Variants in NBAS observed in about 807,000 individuals in gnomAD.
The protein encoded by NBAS is NAG/BC035112 fusion.
A neutral mutation model predicts 302.5 loss-of-function variants in NBAS; 219 were observed. That is an observed-to-expected ratio of 0.72 (90% CI 0.65 to 0.81). The LOEUF (loss-of-function observed/expected upper bound fraction) is 0.81. Ranked by LOEUF, NBAS falls within the 30% of genes least tolerant of loss-of-function variation. The pLI is 0.00. For synonymous variants in NBAS, 1,118 were observed against 1,021.6 expected, an observed-to-expected ratio of 1.09 and a Z score of -1.80; for missense variants, 2,932 against 2,841.6, an observed-to-expected ratio of 1.03 and a Z score of -0.72.
At chr2:15,278,537 GT>G (rs1669689447) in intron 42 of NBAS, among the ~76,000 whole-genome samples, 1 of 152,140 alleles carries the variant, frequency 6.6e-6, no homozygotes, top group African/African-American at 2.4e-5. Flanking sequence ...GAACCAGAGT[GT>G]GGCACAAAGG....
intron 21 of NBAS, among the ~76,000 whole-genome samples, chr2:15,435,065 AAT>A (rs1677945786): frequency 6.6e-6 from 1 of 152,190 alleles, no homozygotes; most frequent in African/African-American, 2.4e-5. Flanking sequence ...CAAAGATAAA[AAT>A]ATATGACATT....
chr2:15,516,080 G>C (rs950358605), intron 9 of NBAS, among the ~76,000 whole-genome samples: 3 of 152,150 alleles, frequency 2.0e-5, no homozygotes, highest in African/African-American at 7.2e-5. Flanking sequence ...ATATTTTTAA[G>C]GAAACATCGA....
At chr2:15,092,454 G>A in the NBAS span, among the ~76,000 whole-genome samples, 1 of 152,194 alleles carries the variant, frequency 6.6e-6, no homozygotes, top group Non-Finnish European at 1.5e-5. Context: ...GACTTGGAGA[G>A]TTCAGAGTAA....
chr2:15,232,544 G>C, intron 46 of NBAS, 33 bp from the exon 47 acceptor site: 1 of 1,593,128 alleles, frequency 6.3e-7, no homozygotes, highest in Non-Finnish European at 8.6e-7. Context: ...ATTCAGAAAA[G>C]GATCACTCAA....
the NBAS span, among the ~76,000 whole-genome samples, chr2:14,885,876 T>C: frequency 1.3e-5 from 2 of 152,158 alleles, no homozygotes; most frequent in Non-Finnish European, 2.9e-5. Flanking sequence ...ATTTGACATG[T>C]GGTAATCCTA....
At chr2:14,854,925 G>A in the NBAS span, among the ~76,000 whole-genome samples, 2 of 152,292 alleles carry the variant, frequency 1.3e-5, no homozygotes, top group African/African-American at 4.8e-5. Flanking sequence ...GCAACATACT[G>A]AGACACCAGC....
the NBAS span, among the ~76,000 whole-genome samples, chr2:15,054,890 A>T: frequency 6.6e-6 from 1 of 152,184 alleles, no homozygotes; most frequent in South Asian, 2.1e-4. Flanking sequence ...AAACAGAAAC[A>T]TTGTTTTCTG....
At chr2:14,789,214 G>C in the NBAS span, among the ~76,000 whole-genome samples, 2 of 152,168 alleles carry the variant, frequency 1.3e-5, no homozygotes, top group African/African-American at 4.8e-5. Context: ...GGAGTGACCC[G>C]ATTTTCCAGG....
At chr2:15,127,707 T>C in the NBAS span, among the ~76,000 whole-genome samples, 69,441 of 152,080 alleles carry the variant, frequency 0.46, 18,683 homozygotes, top group Non-Finnish European at 0.58. Flanking sequence ...CTTTCCAGAC[T>C]GCTTGCTCTT....
At chr2:15,221,400 T>C (rs184107413) in intron 47 of NBAS, among the ~76,000 whole-genome samples, 4 of 152,132 alleles carry the variant, frequency 2.6e-5, no homozygotes, top group African/African-American at 9.7e-5. Flanking sequence ...ACTTAATAAA[T>C]AGTAACCACC....
chr2:14,818,978 G>T, the NBAS span, among the ~76,000 whole-genome samples: 1 of 152,174 alleles, frequency 6.6e-6, no homozygotes, highest in African/African-American at 2.4e-5. Flanking sequence ...CTAAGATCAA[G>T]TTCAACTCCT....
chr2:15,240,054 T>C (rs1193614579), intron 44 of NBAS, among the ~76,000 whole-genome samples: 4 of 152,208 alleles, frequency 2.6e-5, no homozygotes, highest in South Asian at 2.1e-4. Flanking sequence ...TGGGCTGTAG[T>C]CTTCTGTCAG....
the NBAS span, among the ~76,000 whole-genome samples, chr2:14,794,457 A>G: frequency 6.6e-6 from 1 of 152,230 alleles, no homozygotes; most frequent in Non-Finnish European, 1.5e-5. Flanking sequence ...AGCATTTTAT[A>G]ACAAGTGATC....
At chr2:15,474,443 T>A (rs1680100770) in intron 14 of NBAS, 119 bp from the exon 15 acceptor site, 1 of 1,075,390 alleles carries the variant, frequency 9.3e-7, no homozygotes, top group Admixed American at 2.7e-5. Context: ...ATCAGCTATG[T>A]GATCAAGATT....
the NBAS span, among the ~76,000 whole-genome samples, chr2:14,813,844 C>A: frequency 6.6e-6 from 1 of 152,274 alleles, no homozygotes; most frequent in East Asian, 1.9e-4. Flanking sequence ...TTTCAGAAAA[C>A]TTCTTGGCAG....
At chr2:15,247,537 GA>G (rs747113341) in intron 44 of NBAS, among the ~76,000 whole-genome samples, 2 of 151,608 alleles carry the variant, frequency 1.3e-5, no homozygotes, top group African/African-American at 4.8e-5. Context: ...CAAGCAAATG[GA>G]AACGAAAAAA....
rs371201287 is a variant in NBAS, at chr2:15,274,762, ATT to A, written c.5724+720_5724+721del. Among the ~76,000 whole-genome samples the A allele has an allele frequency of 4.6e-5, 7 of 151,698 alleles. No individual in the cohort carries two copies. The East Asian group carries it at 1.4e-3, about 29-fold the overall frequency. On this transcript the variant is annotated intron_variant, in intron 44 of 51. Transcript: ENST00000281513. ...GCATGATATGAATAACATCTTTTTT[ATT>A]TTTTTATGTTATTATTTTGAGACAG...
chr2:15,492,414 T>C (rs758023897), intron 11 of NBAS, among the ~76,000 whole-genome samples: 19 of 152,190 alleles, frequency 1.2e-4, no homozygotes, highest in Non-Finnish European at 1.5e-5. Context: ...TACAGTGTTT[T>C]CCTTCTGAAA....
intron 21 of NBAS, among the ~76,000 whole-genome samples, chr2:15,440,252 C>T (rs941124312): frequency 6.6e-6 from 1 of 152,244 alleles, no homozygotes. Flanking sequence ...AACTGGGAGA[C>T]AGCCCCCAGT....
Sources: gnomAD v4.1 joint callset for allele counts (sites outside exome capture counted in the v4.1 genomes callset) on GRCh38, gnomAD v4.1.1 for gene constraint, MANE v1.5 for transcripts, NCBI Gene and HGNC (gene_info 2026-07-23, HGNC 2026-07-21) for gene names.